Variants in CCNI2 observed in about 807,000 individuals in gnomAD.
CCNI2 encodes cyclin-I2.
CCNI2 carries 32 observed loss-of-function variants against 33.2 expected under a neutral mutation model. The observed-to-expected ratio is 0.96, with a 90% CI of 0.73 to 1.30. The LOEUF is 1.30. Among genes scored for constraint, CCNI2 ranks in the 50% most tolerant of loss-of-function variants. The probability of loss-of-function intolerance (pLI) is 0.00; values close to 1 mark genes in which losing one functional copy is unlikely to be tolerated. For synonymous variants in CCNI2, 231 were observed against 219.9 expected, an observed-to-expected ratio of 1.05 and a Z score of -0.45; for missense variants, 452 against 486.2, an observed-to-expected ratio of 0.93 and a Z score of 0.66.
chr5:132,747,852 G>C lies in CCNI2; in HGVS notation c.357G>C (p.Glu119Asp). Residue 119 changes from glutamate (E) to aspartate (D), a missense_variant, in exon 1 of 6, where the codon GAG becomes GAC. Coordinates refer to ENST00000378731, the MANE Select transcript of CCNI2 (RefSeq NM_001039780.4). This position sits in a 1 kb window ranked among gnomAD's most constrained non-coding sequence, Gnocchi z 4.1. ...KPRNLEGDLD[E>D]RRLLCHLQLA... ...GCAACCTGGAAGGCGACCTGGACGA[G>C]CGCCGGCTGCTCTGCCACTTGCAGC... The C allele has an allele frequency of 2.0e-6, 3 of 1,471,460 alleles. No individual in the cohort carries two copies. Among genetic ancestry groups the C allele is most frequent in the Non-Finnish European group, 2.7e-6 (3 of 1,119,000 alleles). 91.2% of individuals were successfully genotyped at this position (1,471,460 alleles called of 1,614,324 possible). A position where few individuals can be genotyped will look rare whatever the true frequency, so the allele number is the denominator to read the frequency against.
chr5:132,749,579 C>T (rs1350909647), intron 3 of CCNI2, among the ~76,000 whole-genome samples, 157 bp downstream of exon 3: 1 of 152,134 alleles, frequency 6.6e-6, no homozygotes, highest in African/African-American at 2.4e-5. Context: ...CTTCCATCGG[C>T]TTGTCAGGCT....
intron 2 of CCNI2, 62 bp downstream of exon 2, chr5:132,748,537 A>G (rs72799426): frequency 0.075 from 120,083 of 1,594,998 alleles, 6,009 homozygotes; most frequent in East Asian, 0.24. Context: ...TTTGCTCCCC[A>G]TTCCTGCTTG....
chr5:132,748,448 C>T lies in CCNI2; in HGVS notation c.531C>T (p.Ile177=), dbSNP rs756446401. ...CCACTTTTAACCTGGCCCTCACCAT[C>T]TTTGGCCGCCTCCTGATTTCAGTGA... ...SQSTFNLALT[I]FGRLLISVKV... Residue 177 remains isoleucine (I), a synonymous_variant, in exon 2 of 6, where the codon ATC becomes ATT. Coordinates refer to ENST00000378731, the MANE Select transcript of CCNI2 (RefSeq NM_001039780.4). 1 of 1,614,198 alleles carries T rather than the reference C, an allele frequency of 6.2e-7. No individual in the cohort carries two copies. The highest frequency in any genetic ancestry group is 2.2e-5 in the East Asian group (1 of 44,868).
intron 4 of CCNI2, chr5:132,751,531 G>C (rs1023944234): frequency 5.5e-5 from 11 of 201,616 alleles, no homozygotes; most frequent in African/African-American, 2.6e-4. Flanking sequence ...GAAATCTCAT[G>C]GGGTTTTGGT....
chr5:132,750,779 C>T, intron 3 of CCNI2, 78 bp from the exon 4 acceptor site: 1 of 1,463,004 alleles, frequency 6.8e-7, no homozygotes, highest in South Asian at 1.3e-5. Flanking sequence ...GTCATGAATG[C>T]CCAGTCCCCA....
At position 132,753,001 on chromosome 5, in the gene CCNI2, G is replaced by A. The variant is rs376590266; in HGVS notation, c.*31G>A. 1.3e-5 allele frequency: 20 copies of A among 1,559,218 alleles called. No homozygotes were observed. The highest frequency in any genetic ancestry group is 1.8e-5 in the Non-Finnish European group (20 of 1,130,820). ...CTGCCTCCACCCCGGGGCTTTCAGAGCATAGTGTGAAACCTCCTTGCTTGG... is the reference window on the plus strand; with the variant it reads ...CTGCCTCCACCCCGGGGCTTTCAGAACATAGTGTGAAACCTCCTTGCTTGG... On this transcript the variant is annotated 3_prime_UTR_variant, in exon 6 of 6. Coordinates refer to ENST00000378731, the MANE Select transcript of CCNI2 (RefSeq NM_001039780.4).
chr5:132,747,857 G>GCA lies in CCNI2; in HGVS notation c.362_363insCA (p.Leu122SerfsTer62). 6.8e-7 allele frequency: 1 copy of GCA among 1,469,250 alleles called. No homozygotes were observed. Among genetic ancestry groups the GCA allele is most frequent in the Non-Finnish European group, 8.9e-7 (1 of 1,117,858 alleles). The allele number at this position is 1,469,250 out of a possible 1,614,324, so 91.0% of individuals were successfully genotyped here. ...CTGGAAGGCGACCTGGACGAGCGCCGGCTGCTCTGCCACTTGCAGCTGGCC... is the reference window on the plus strand; with the variant it reads ...CTGGAAGGCGACCTGGACGAGCGCCGCAGCTGCTCTGCCACTTGCAGCTGGCC... On this transcript the variant is annotated frameshift_variant, in exon 1 of 6. Transcript: ENST00000378731. LOFTEE classifies it high-confidence loss of function. The surrounding 1 kb of genome is among the most constrained non-coding windows in gnomAD (Gnocchi z 4.1).
At chr5:132,756,045 G>A, downstream of CCNI2, 1 of 985,228 alleles carries the variant, frequency 1.0e-6, no homozygotes. Flanking sequence ...TAAGTACAAA[G>A]TGAATGGAAA....
intron 4 of CCNI2, 200 bp from the exon 5 acceptor site, chr5:132,751,766 T>TTTTTC: frequency 1.6e-6 from 1 of 608,260 alleles, no homozygotes; most frequent in African/African-American, 1.9e-5. Context: ...TTTTTTTTTT[T>TTTTTC]GGTCCCGGAG....
chr5:132,752,032 C>T lies in CCNI2; in HGVS notation c.841C>T (p.Leu281Phe). The change falls in exon 5 of 6, where the codon CTC becomes TTC. Residue 281 changes from leucine (L) to phenylalanine (F), a missense_variant. Physicochemically the swap from Leu to Phe is conservative, Grantham distance 22. Transcript: ENST00000378731. ...GCTGCTGCCTCAGAGGAATCCTTCC[C>T]TCCACGTCGCATCCCTGACCAGGCA... is the stretch of plus-strand genomic sequence containing the variant. Reference protein sequence around the residue: ...LELLPQRNPSLHVASLTRQLQ... With the variant: ...LELLPQRNPSFHVASLTRQLQ... 1 of 1,611,810 alleles carries T rather than the reference C, an allele frequency of 6.2e-7. No individual in the cohort carries two copies. The highest frequency in any genetic ancestry group is 8.5e-7 in the Non-Finnish European group (1 of 1,179,172).
At position 132,747,928 on chromosome 5, in the gene CCNI2, C is replaced by G. The variant is rs750047221; in HGVS notation, c.429+4C>G. The G allele has an allele frequency of 2.2e-6, 3 of 1,373,200 alleles. No individual in the cohort carries two copies. The highest frequency in any genetic ancestry group is 1.5e-5 in the African/African-American group (1 of 65,422). The allele number at this position is 1,373,200 out of a possible 1,614,324, so 85.1% of individuals were successfully genotyped here. A position where few individuals can be genotyped will look rare whatever the true frequency, so the allele number is the denominator to read the frequency against. On this transcript the variant is annotated splice_donor_region_variant and intron_variant, in intron 1 of 5. Coordinates refer to ENST00000378731, the MANE Select transcript of CCNI2 (RefSeq NM_001039780.4). The surrounding 1 kb of genome is among the most constrained non-coding windows in gnomAD (Gnocchi z 4.1). ...GTGGCGGGGCGGCAAACCCCAGGTA[C>G]CCGTCGCTGCCGCGTGGCCCTCCTC...
chr5:132,753,040 C>T lies in CCNI2; in HGVS notation c.*70C>T. ...CTCCTTGCTTGGACTACCATGAGTT[C>T]TTTGGCTTGTTATGAATCCTGTAAA... On this transcript the variant is annotated 3_prime_UTR_variant, in exon 6 of 6. Transcript: ENST00000378731. 1 of 1,255,660 alleles carries T rather than the reference C, an allele frequency of 8.0e-7. No homozygotes were observed. Among genetic ancestry groups the T allele is most frequent in the African/African-American group, 1.5e-5 (1 of 68,072 alleles). The allele number at this position is 1,255,660 out of a possible 1,614,324, so 77.8% of individuals were successfully genotyped here. A position where few individuals can be genotyped will look rare whatever the true frequency, so the allele number is the denominator to read the frequency against.
At chr5:132,751,752 C>CTTTT in intron 4 of CCNI2, 1 of 546,370 alleles carries the variant, frequency 1.8e-6, no homozygotes, top group South Asian at 2.4e-5. Context: ...ACAAAGCAGA[C>CTTTT]TTTTTTTTTT....
chr5:132,755,037 C>T (rs1170028751), downstream of CCNI2, among the ~76,000 whole-genome samples: 2 of 152,032 alleles, frequency 1.3e-5, no homozygotes, highest in Non-Finnish European at 2.9e-5. Context: ...TTTCCACCAC[C>T]TAGGAGGCCC....
chr5:132,754,439 G>A, downstream of CCNI2: 1 of 717,494 alleles, frequency 1.4e-6, no homozygotes. Context: ...AGGCTTTAGG[G>A]GAACTGCTGG....
downstream of CCNI2, chr5:132,754,546 G>T (rs1322438830): frequency 7.0e-6 from 5 of 717,340 alleles, no homozygotes; most frequent in African/African-American, 8.7e-5. Context: ...GGGTAGACAT[G>T]TGAGTCCTAG....
At position 132,748,211 on chromosome 5, in the gene CCNI2, C is replaced by A. The variant is rs1324657624; in HGVS notation, c.430-136C>A. 6 of 1,266,070 alleles carry A rather than the reference C, an allele frequency of 4.7e-6. No homozygotes were observed. In the East Asian group the frequency reaches 1.2e-4, roughly 26 times the overall value. The allele number at this position is 1,266,070 out of a possible 1,614,324, so 78.4% of individuals were successfully genotyped here. ...GAGCCGCTGCGCCGGGGGGCGCTTA[C>A]TCCCAGCGGGCATGCAGAGGAAGGG... On this transcript the variant is annotated intron_variant, in intron 1 of 5. Transcript: ENST00000378731.
rs1225042098 is a variant in CCNI2, at chr5:132,752,931, ATCC to A, written c.1076_1078del (p.Ser359del). On this transcript the variant is annotated inframe_deletion, in exon 6 of 6. Coordinates refer to ENST00000378731, the MANE Select transcript of CCNI2 (RefSeq NM_001039780.4). ...TGCAGCAACTGAGAAGTCTTCAGTC[ATCC>A]TCCTGCACAGACAACTTTGTGTCAC... is the stretch of plus-strand genomic sequence containing the variant. 4.3e-6 allele frequency: 7 copies of A among 1,614,162 alleles called. No individual in the cohort carries two copies. The highest frequency in any genetic ancestry group is 4.5e-5 in the East Asian group (2 of 44,868).
In CCNI2 at chr5:132,751,005, A is replaced by C; in HGVS notation, c.774+8A>C. 6.2e-7 allele frequency: 1 copy of C among 1,612,248 alleles called. No individual in the cohort carries two copies. The highest frequency in any genetic ancestry group is 1.1e-5 in the South Asian group (1 of 90,460). ...CTGGACTTCTTGACTATAGTGAGTA[A>C]GGAGGTGTTTACAGAGTCTACCCTA... On this transcript the variant is annotated splice_region_variant and intron_variant, in intron 4 of 5. Transcript: ENST00000378731.
Sources: gnomAD v4.1 joint callset for allele counts (sites outside exome capture counted in the v4.1 genomes callset) on GRCh38, gnomAD v4.1.1 for gene constraint, Gnocchi (gnomAD v3.1) non-coding constraint, MANE v1.5 for transcripts, NCBI Gene and HGNC (gene_info 2026-07-23, HGNC 2026-07-21) for gene names.